TSPEAR: variants seen among roughly 807,000 people sequenced by gnomAD.
TSPEAR encodes the protein thrombospondin-type laminin G domain and EAR repeat-containing protein.
TSPEAR carries 69 observed loss-of-function variants against 71.6 expected under a neutral mutation model. The observed-to-expected ratio is 0.96, with a 90% CI of 0.79 to 1.18. The LOEUF is 1.18. TSPEAR is among the 50% of genes most tolerant of loss of function. The pLI is 0.00. For synonymous variants in TSPEAR, 402 were observed against 387.2 expected (o/e 1.04, Z -0.45); for missense variants, 971 against 894.9 (o/e 1.09, Z -1.09).
At chr21:44,651,644 G>C (rs1328902807) in intron 1 of TSPEAR, among the ~76,000 whole-genome samples, 1 of 152,078 alleles carries the variant, frequency 6.6e-6, no homozygotes, top group East Asian at 1.9e-4. Context: ...GGACCCTGTG[G>C]AGACACTGGG....
chr21:44,661,399 G>A (rs916869234), intron 1 of TSPEAR, among the ~76,000 whole-genome samples: 1 of 151,908 alleles, frequency 6.6e-6, no homozygotes, highest in Admixed American at 6.6e-5. Flanking sequence ...ACAATAACAC[G>A]AGGAATATAA....
At chr21:44,633,495 T>C (rs1983370879) in intron 1 of TSPEAR, among the ~76,000 whole-genome samples, 1 of 152,262 alleles carries the variant, frequency 6.6e-6, no homozygotes, top group African/African-American at 2.4e-5. Context: ...CAACTGGTTG[T>C]TATAAGTATG....
At chr21:44,547,224 T>C (rs12329862) in intron 2 of TSPEAR, among the ~76,000 whole-genome samples, 6,061 of 152,308 alleles carry the variant, frequency 0.04, 373 homozygotes, top group African/African-American at 0.14. Context: ...ATTTTCTGTT[T>C]GGTTTCTTTT....
chr21:44,654,388 C>A, intron 1 of TSPEAR: 1 of 1,614,218 alleles, frequency 6.2e-7, no homozygotes, highest in Non-Finnish European at 8.5e-7. Flanking sequence ...AACAGGCTTG[C>A]AGCTCACAGG....
intron 1 of TSPEAR, among the ~76,000 whole-genome samples, chr21:44,645,348 G>A (rs1984256666): frequency 7.5e-6 from 1 of 133,584 alleles, no homozygotes; most frequent in Non-Finnish European, 1.6e-5. Context: ...TCGAAGGGAG[G>A]GCCACTTAGC....
chr21:44,676,542 G>A, intron 1 of TSPEAR: 1 of 742,008 alleles, frequency 1.3e-6, no homozygotes, highest in East Asian at 2.5e-5. Flanking sequence ...GAGTAAAGTT[G>A]TGAACTTGCT....
chr21:44,575,650 T>C (rs1224988133), intron 1 of TSPEAR, among the ~76,000 whole-genome samples: 1 of 152,234 alleles, frequency 6.6e-6, no homozygotes, highest in Non-Finnish European at 1.5e-5. Context: ...TGCTGCACAA[T>C]ACTTGTCAAA....
chr21:44,559,805 C>G (rs1219975894), intron 2 of TSPEAR, among the ~76,000 whole-genome samples: 1 of 152,114 alleles, frequency 6.6e-6, no homozygotes, highest in Non-Finnish European at 1.5e-5. Flanking sequence ...CTATTTTCTA[C>G]TAAATCTTTG....
intron 1 of TSPEAR, among the ~76,000 whole-genome samples, chr21:44,662,912 T>C (rs1031406635): frequency 6.6e-6 from 1 of 152,168 alleles, no homozygotes; most frequent in African/African-American, 2.4e-5. Context: ...TATTTTGAAT[T>C]AAATACAAAT....
chr21:44,540,258 G>T, intron 2 of TSPEAR: 1 of 1,530,664 alleles, frequency 6.5e-7, no homozygotes, highest in Non-Finnish European at 8.9e-7. Context: ...GCTTCGTGGG[G>T]CTCTGCTTTT....
intron 1 of TSPEAR, among the ~76,000 whole-genome samples, chr21:44,621,139 G>C (rs1002032487): frequency 5.3e-5 from 8 of 152,068 alleles, no homozygotes. Context: ...GCTGTAGTTG[G>C]GTTGTGTGTT....
At position 44,695,231 on chromosome 21, in the gene TSPEAR, G is replaced by C. The variant is rs1169123550; in HGVS notation, c.82+16202C>G. 2.0e-5 allele frequency among the ~76,000 whole-genome samples: 3 copies of C among 152,154 alleles called. No individual in the cohort carries two copies. The highest frequency in any genetic ancestry group is 7.2e-5 in the African/African-American group (3 of 41,424). Reference sequence around the variant, plus strand: ...GGCTTTGGGGCATTCACACTCTCCTGGTCCTGTCCTGGCACCTTTGCTCCC... The same window carrying C: ...GGCTTTGGGGCATTCACACTCTCCTCGTCCTGTCCTGGCACCTTTGCTCCC... On this transcript the variant is annotated intron_variant, in intron 1 of 11. Coordinates refer to ENST00000323084, the MANE Select transcript of TSPEAR (RefSeq NM_144991.3). This position sits in a 1 kb window ranked among gnomAD's most constrained non-coding sequence, Gnocchi z 4.5.
chr21:44,708,449 G>A (rs1004312506), intron 1 of TSPEAR, among the ~76,000 whole-genome samples: 1 of 152,106 alleles, frequency 6.6e-6, no homozygotes, highest in African/African-American at 2.4e-5. Context: ...AGAGGTTGAG[G>A]GCAGAGCTCC....
intron 1 of TSPEAR, among the ~76,000 whole-genome samples, chr21:44,708,000 C>T (rs549187992): frequency 2.7e-4 from 12 of 44,388 alleles, no homozygotes; most frequent in African/African-American, 1.2e-3. Flanking sequence ...CTCCCCGCCC[C>T]GCGCGTGCAC....
chr21:44,616,255 C>T lies in TSPEAR; in HGVS notation c.83-48250G>A, dbSNP rs587651785. On this transcript the variant is annotated intron_variant, in intron 1 of 11. Transcript: ENST00000323084. ...TAACAACATGACAGCAGGGAACAAA[C>T]CCCAGGGGAGGTGGACGCTCTCACG... 1.6e-3 allele frequency among the ~76,000 whole-genome samples: 238 copies of T among 152,316 alleles called. 1 individual carries two copies. The highest frequency in any genetic ancestry group is 5.5e-3 in the African/African-American group (229 of 41,572).
chr21:44,618,754 T>C (rs948653356), intron 1 of TSPEAR, among the ~76,000 whole-genome samples: 3 of 152,180 alleles, frequency 2.0e-5, no homozygotes, highest in Admixed American at 2.0e-4. Context: ...GCTTGCCTTA[T>C]TTCACCAACT....
rs7277915 is a variant in TSPEAR, at chr21:44,561,532, G to T, written c.303+6253C>A. Reference sequence around the variant, plus strand: ...AAACCTGGCAGACACAACAAAAAAAGAAAACTTCAGGCCAATATCCCTGAT... The same window carrying T: ...AAACCTGGCAGACACAACAAAAAAATAAAACTTCAGGCCAATATCCCTGAT... On this transcript the variant is annotated intron_variant, in intron 2 of 11. Coordinates refer to ENST00000323084, the MANE Select transcript of TSPEAR (RefSeq NM_144991.3). Among the ~76,000 whole-genome samples the T allele has an allele frequency of 3.4e-3, 518 of 152,192 alleles. 5 individuals are homozygous for T. The highest frequency in any genetic ancestry group is 0.012 in the African/African-American group (480 of 41,536).
intron 1 of TSPEAR, chr21:44,627,263 G>C (rs1555934573): frequency 6.8e-6 from 11 of 1,612,556 alleles, no homozygotes; most frequent in Non-Finnish European, 9.3e-6. Flanking sequence ...GAGCCCCCCT[G>C]CTGCGCCACC....
At chr21:44,701,747 C>A (rs1473235722) in intron 1 of TSPEAR, among the ~76,000 whole-genome samples, 1 of 85,542 alleles carries the variant, frequency 1.2e-5, no homozygotes, top group Non-Finnish European at 3.0e-5. Context: ...CCACTCCCCT[C>A]CGGCTGTAAA....
Sources: gnomAD v4.1 joint callset for allele counts (sites outside exome capture counted in the v4.1 genomes callset) on GRCh38, gnomAD v4.1.1 for gene constraint, Gnocchi (gnomAD v3.1) non-coding constraint, MANE v1.5 for transcripts, NCBI Gene and HGNC (gene_info 2026-07-23, HGNC 2026-07-21) for gene names.